The following IMMP2L variants were observed in gnomAD, a reference collection of about 807,000 sequenced individuals.
The protein encoded by IMMP2L is mitochondrial inner membrane protease subunit 2.
Under a neutral mutation model 19.3 loss-of-function variants are expected in IMMP2L, and 18 were observed. The ratio of observed to expected loss-of-function variants is 0.93; its 90% CI spans 0.64 to 1.38. The LOEUF (loss-of-function observed/expected upper bound fraction) is 1.38, where lower values mean the gene tolerates loss of function less well. IMMP2L is among the 40% of genes most tolerant of loss of function. The probability of loss-of-function intolerance (pLI) is 0.00; values close to 1 mark genes in which losing one functional copy is unlikely to be tolerated. For missense variants in IMMP2L, 233 were observed against 218.2 expected (o/e 1.07, Z -0.43); for synonymous variants, 76 against 73.0 (o/e 1.04, Z -0.21).
chr7:111,471,446 T>C (rs1041102072), intron 3 of IMMP2L, among the ~76,000 whole-genome samples: 3 of 152,180 alleles, frequency 2.0e-5, no homozygotes, highest in East Asian at 1.9e-4. Context: ...CAAGGTCCAA[T>C]ACAGTAGCCA....
rs112737760 is a variant in IMMP2L, at chr7:110,831,080, C to T, written c.408+55513G>A. On this transcript the variant is annotated intron_variant, in intron 5 of 5. Coordinates refer to ENST00000405709, the MANE Select transcript of IMMP2L (RefSeq NM_032549.4). The stretch of plus-strand genomic sequence containing the variant: ...GGATTGCTGGACAAATTTAGCTCCA[C>T]GTAGCTGAAGGAGTGAGGTCTGGCT... 3.3e-5 allele frequency among the ~76,000 whole-genome samples: 5 copies of T among 152,228 alleles called. No individual in the cohort carries two copies. The East Asian group carries it at 5.8e-4, about 18-fold the overall frequency.
intron 3 of IMMP2L, among the ~76,000 whole-genome samples, chr7:111,250,021 C>G (rs1674083821): frequency 6.6e-6 from 1 of 152,066 alleles, no homozygotes; most frequent in African/African-American, 2.4e-5. Context: ...CGTCTCAGCC[C>G]AAAAGCTCCT....
intron 3 of IMMP2L, among the ~76,000 whole-genome samples, chr7:111,236,828 C>T (rs1303904736): frequency 1.3e-5 from 2 of 152,080 alleles, no homozygotes. Flanking sequence ...AAGGGCTTAC[C>T]TCATTTGTTG....
At chr7:111,414,021 C>G (rs1009635450) in intron 3 of IMMP2L, among the ~76,000 whole-genome samples, 7 of 151,714 alleles carry the variant, frequency 4.6e-5, no homozygotes, top group Non-Finnish European at 8.8e-5. Context: ...GGTTTCCTGG[C>G]AAGTCGCAAG....
chr7:111,337,124 T>C (rs946415475), intron 3 of IMMP2L, among the ~76,000 whole-genome samples: 3 of 152,184 alleles, frequency 2.0e-5, no homozygotes, highest in African/African-American at 7.2e-5. Flanking sequence ...CAGTAAGATT[T>C]CTATATTAAG....
rs1188540766 is a variant in IMMP2L at position 110,753,751 on chromosome 7, GGGGTGTGT to G, written c.409-90038_409-90031del. ...CATTTGAAAGTGTGTGTGTGAGTGT[GGGGTGTGT>G]GTGTGTGTGTGTGTGTGTGTGGTTA... On this transcript the variant is annotated intron_variant, in intron 5 of 5. Transcript: ENST00000405709. Among the ~76,000 whole-genome samples, 4 of 86,966 alleles carry G rather than the reference GGGGTGTGT, an allele frequency of 4.6e-5. No individual in the cohort carries two copies. The African/African-American group carries it at 6.0e-4, about 13-fold the overall frequency. The allele number at this position is 86,966 out of a possible 152,430, so 57.1% of individuals were successfully genotyped here.
intron 5 of IMMP2L, among the ~76,000 whole-genome samples, chr7:110,679,878 T>C (rs531338978): frequency 9.2e-5 from 14 of 152,344 alleles, no homozygotes; most frequent in Admixed American, 2.0e-4. Context: ...TCTGGTGCTA[T>C]GTGAAGAAGA....
At chr7:111,494,440 A>G (rs1843406285) in intron 2 of IMMP2L, among the ~76,000 whole-genome samples, 1 of 152,146 alleles carries the variant, frequency 6.6e-6, no homozygotes, top group Non-Finnish European at 1.5e-5. Flanking sequence ...GGAAAGGTAA[A>G]TATTCTCTGT....
At chr7:111,335,692 A>G (rs1826329518) in intron 3 of IMMP2L, among the ~76,000 whole-genome samples, 1 of 152,164 alleles carries the variant, frequency 6.6e-6, no homozygotes, top group African/African-American at 2.4e-5. Context: ...GGACACTTTA[A>G]AAGAATGAGT....
intron 3 of IMMP2L, among the ~76,000 whole-genome samples, chr7:111,152,699 C>T (rs1804213839): frequency 6.6e-6 from 1 of 152,080 alleles, no homozygotes; most frequent in Non-Finnish European, 1.5e-5. Flanking sequence ...TCAGCTCCTC[C>T]TCATTAATAG....
intron 2 of IMMP2L, among the ~76,000 whole-genome samples, chr7:111,516,762 C>T (rs1156686383): frequency 2.0e-5 from 3 of 152,038 alleles, no homozygotes; most frequent in Non-Finnish European, 4.4e-5. Context: ...GGTAAAACAT[C>T]AGGTGAGATT....
At chr7:111,232,649 T>C (rs1813842609) in intron 3 of IMMP2L, among the ~76,000 whole-genome samples, 1 of 152,130 alleles carries the variant, frequency 6.6e-6, no homozygotes, top group African/African-American at 2.4e-5. Flanking sequence ...CTCTTCACTC[T>C]TCACACTCTG....
intron 5 of IMMP2L, among the ~76,000 whole-genome samples, chr7:110,759,425 CAAATA>C (rs1238835784): frequency 6.6e-6 from 1 of 151,970 alleles, no homozygotes; most frequent in Non-Finnish European, 1.5e-5. Context: ...GGAGGCTGGT[CAAATA>C]AAATAGCATG....
intron 5 of IMMP2L, among the ~76,000 whole-genome samples, chr7:110,680,422 C>T (rs1311000616): frequency 2.0e-5 from 3 of 152,104 alleles, no homozygotes; most frequent in African/African-American, 7.2e-5. Flanking sequence ...GCTATAACTG[C>T]CGTTCTTAAT....
chr7:111,538,807 T>C (rs1484200703), intron 1 of IMMP2L, among the ~76,000 whole-genome samples: 1 of 118,584 alleles, frequency 8.4e-6, no homozygotes, highest in Non-Finnish European at 1.7e-5. Context: ...AATGAGACCC[T>C]GGCTCATTTA....
chr7:111,450,931 T>G (rs1400392002), intron 3 of IMMP2L, among the ~76,000 whole-genome samples: 8 of 151,750 alleles, frequency 5.3e-5, no homozygotes. Context: ...AAAGAAGACA[T>G]TTATGCAGCC....
intron 3 of IMMP2L, among the ~76,000 whole-genome samples, chr7:111,147,335 A>T (rs1327371296): frequency 6.6e-6 from 1 of 152,132 alleles, no homozygotes; most frequent in Non-Finnish European, 1.5e-5. Context: ...AATTGGTTTA[A>T]TTAATATAAA....
intron 5 of IMMP2L, among the ~76,000 whole-genome samples, chr7:110,794,087 T>C (rs567910326): frequency 1.3e-5 from 2 of 152,258 alleles, no homozygotes; most frequent in African/African-American, 4.8e-5. Flanking sequence ...GAAGACAATT[T>C]GGCAGTTTCT....
At chr7:111,122,674 A>C in intron 3 of IMMP2L, 1 of 941,326 alleles carries the variant, frequency 1.1e-6, no homozygotes, top group African/African-American at 1.7e-5. Flanking sequence ...CATTTGACAA[A>C]TGCAAGCATC....
Sources: allele counts gnomAD v4.1 joint callset (sites outside exome capture counted in the v4.1 genomes callset), GRCh38; gene constraint gnomAD v4.1.1; transcripts MANE v1.5; gene names NCBI Gene and HGNC (gene_info 2026-07-23, HGNC 2026-07-21).